Variants in RIPK1 observed in about 807,000 individuals in gnomAD.
RIPK1 encodes the protein receptor interacting serine/threonine kinase 1, also known as receptor-interacting serine/threonine-protein kinase 1.
Under a neutral mutation model 62.4 loss-of-function variants are expected in RIPK1, and 27 were observed. The observed-to-expected ratio is 0.43, with a 90% CI of 0.32 to 0.60. The LOEUF (loss-of-function observed/expected upper bound fraction) is 0.60, where lower values mean the gene tolerates loss of function less well. Ranked by LOEUF, RIPK1 falls within the 20% of genes least tolerant of loss-of-function variation. The pLI, the probability that RIPK1 is intolerant of heterozygous loss-of-function variation, is 0.07. For missense variants in RIPK1, 735 were observed against 831.0 expected, an observed-to-expected ratio of 0.88 and a Z score of 1.42; for synonymous variants, 287 against 303.2, an observed-to-expected ratio of 0.95 and a Z score of 0.55.
intron 2 of RIPK1, 58 bp downstream of exon 2, chr6:3,077,045 G>A: frequency 1.3e-6 from 2 of 1,494,608 alleles, no homozygotes; most frequent in South Asian, 2.7e-5. Context: ...GACGTTGGCT[G>A]TTGTGGAGCC....
At chr6:3,083,548 C>T (rs1302588799) in intron 5 of RIPK1, among the ~76,000 whole-genome samples, 1 of 152,094 alleles carries the variant, frequency 6.6e-6, no homozygotes, top group South Asian at 2.1e-4. Flanking sequence ...GAGGACTTAG[C>T]CTTTCACACT....
At position 3,113,215 on chromosome 6, in the gene RIPK1, T is replaced by C; in HGVS notation, c.1892T>C (p.Met631Thr). 1.2e-6 allele frequency: 2 copies of C among 1,614,100 alleles called. No homozygotes were observed. Among genetic ancestry groups the C allele is most frequent in the Non-Finnish European group, 1.7e-6 (2 of 1,180,002 alleles). The change falls in exon 11 of 11, where the codon ATG becomes ACG. Residue 631 changes from methionine to threonine, a missense_variant. By Grantham distance (81) the Met-to-Thr change is moderately conservative (BLOSUM62 -1). Transcript: ENST00000259808. The surrounding 1 kb of genome is among the most constrained non-coding windows in gnomAD (Gnocchi z 5.0). ...RDGLKEKVYQMLQKWVMREGI... is the reference protein window; with the variant it reads ...RDGLKEKVYQTLQKWVMREGI... Reference sequence around the variant, plus strand: ...GGACTGAAAGAAAAGGTTTACCAGATGCTCCAAAAGTGGGTGATGAGGGAA... The same window carrying C: ...GGACTGAAAGAAAAGGTTTACCAGACGCTCCAAAAGTGGGTGATGAGGGAA...
chr6:3,066,530 T>C (rs916167803), upstream of RIPK1, among the ~76,000 whole-genome samples: 4 of 152,198 alleles, frequency 2.6e-5, no homozygotes, highest in African/African-American at 9.7e-5. Flanking sequence ...TTTTTTGATA[T>C]GTGTACATCT....
At position 3,105,196 on chromosome 6, in the gene RIPK1, C is replaced by T. The variant is rs59652592; in HGVS notation, c.1007-286C>T. Among the ~76,000 whole-genome samples, 10,381 of 152,194 alleles carry T rather than the reference C, an allele frequency of 0.068. 1,198 individuals carry two copies. Among genetic ancestry groups the T allele is most frequent in the African/African-American group, 0.24 (9,813 of 41,476 alleles). On this transcript the variant is annotated intron_variant, in intron 8 of 10. Transcript: ENST00000259808. The surrounding 1 kb of genome is among the most constrained non-coding windows in gnomAD (Gnocchi z 4.5). ...TGAATTGCTCCAAGGAGACAACCACCTTCTCTGCTCCAAACCAAGTCCCTT... is the reference window on the plus strand; with the variant it reads ...TGAATTGCTCCAAGGAGACAACCACTTTCTCTGCTCCAAACCAAGTCCCTT...
intron 1 of RIPK1, among the ~76,000 whole-genome samples, chr6:3,070,180 C>T (rs762250458): frequency 6.6e-6 from 1 of 152,140 alleles, no homozygotes; most frequent in Non-Finnish European, 1.5e-5. Context: ...TACTGAGCCT[C>T]AGAGATATGT....
intron 1 of RIPK1, among the ~76,000 whole-genome samples, chr6:3,073,349 T>C (rs1335282583): frequency 6.6e-6 from 1 of 151,970 alleles, no homozygotes; most frequent in Non-Finnish European, 1.5e-5. Flanking sequence ...ACCACTTCTG[T>C]GAGGTGGTCA....
At chr6:3,066,270 C>T (rs1024756383), upstream of RIPK1, among the ~76,000 whole-genome samples, 1 of 152,162 alleles carries the variant, frequency 6.6e-6, no homozygotes, top group African/African-American at 2.4e-5. Context: ...GCAATCCGCC[C>T]GACTTGGCCT....
intron 9 of RIPK1, among the ~76,000 whole-genome samples, chr6:3,107,049 G>A (rs532607278): frequency 3.9e-4 from 60 of 152,118 alleles, no homozygotes; most frequent in African/African-American, 1.2e-3. Flanking sequence ...CCAGGAGTTC[G>A]AGACCAGCCT....
At position 3,107,562 on chromosome 6, in the gene RIPK1, CAAAAAAAAAAAAAA is replaced by C. The variant is rs60843872; in HGVS notation, c.1576+1523_1576+1536del. ...CCTGGGTGACAGAGCGAGACTGTCG[CAAAAAAAAAAAAAA>C]AAAAAAAAAAATTCCAAAACTCTTC... On this transcript the variant is annotated intron_variant, in intron 9 of 10. Coordinates refer to ENST00000259808, the MANE Select transcript of RIPK1 (RefSeq NM_001354930.2). 1.3e-4 allele frequency among the ~76,000 whole-genome samples: 6 copies of C among 46,316 alleles called. No individual in the cohort carries two copies. In the East Asian group the frequency reaches 3.9e-3, roughly 30 times the overall value. The allele number at this position is 46,316 out of a possible 152,430, so 30.4% of individuals were successfully genotyped here.
intron 7 of RIPK1, among the ~76,000 whole-genome samples, chr6:3,094,110 GTACCTACCTGC>G (rs1760148196): frequency 7.3e-6 from 1 of 137,492 alleles, no homozygotes; most frequent in Non-Finnish European, 1.5e-5. Context: ...TAACTGCAGA[GTACCTACCTGC>G]CGCACCTAGT....
At chr6:3,081,163 T>C (rs1247894961) in intron 4 of RIPK1, 47 bp downstream of exon 4, 1 of 1,598,646 alleles carries the variant, frequency 6.3e-7, no homozygotes, top group Non-Finnish European at 8.5e-7. Context: ...GATTTTAGTT[T>C]TAATTCTCCA....
chr6:3,105,547 T>G lies in RIPK1; in HGVS notation c.1072T>G (p.Trp358Gly). Residue 358 changes from tryptophan (W) to glycine (G), a missense_variant, in exon 9 of 11, where the codon TGG becomes GGG. Physicochemically the swap from Trp to Gly is radical, Grantham distance 184. This residue lies in a region of RIPK1 where 671 missense variants were observed against 726.2 expected (regional missense o/e 0.92). Coordinates refer to ENST00000259808, the MANE Select transcript of RIPK1 (RefSeq NM_001354930.2). This position sits in a 1 kb window ranked among gnomAD's most constrained non-coding sequence, Gnocchi z 4.5. Reference sequence around the variant, plus strand: ...TGGGATGGGTCCTGTGGAGGAGTCCTGGTTTGCTCCTTCCCTGGAGCACCC... The same window carrying G: ...TGGGATGGGTCCTGTGGAGGAGTCCGGGTTTGCTCCTTCCCTGGAGCACCC... The part of the protein sequence containing the change: ...GLGMGPVEES[W>G]FAPSLEHPQE... 6.2e-7 allele frequency: 1 copy of G among 1,609,246 alleles called. No homozygotes were observed. Among genetic ancestry groups the G allele is most frequent in the Non-Finnish European group, 8.5e-7 (1 of 1,177,390 alleles).
At chr6:3,110,643 A>G (rs746614233) in intron 9 of RIPK1, among the ~76,000 whole-genome samples, 160 bp from the exon 10 acceptor site, 2 of 150,986 alleles carry the variant, frequency 1.3e-5, no homozygotes, top group Non-Finnish European at 2.9e-5. Flanking sequence ...CCTAATGGGT[A>G]TGAGGTGGTT....
upstream of RIPK1, among the ~76,000 whole-genome samples, chr6:3,065,514 G>A (rs1211818393): frequency 1.3e-5 from 2 of 151,944 alleles, no homozygotes; most frequent in East Asian, 1.9e-4. Context: ...TGGGCGTAGA[G>A]GGCAGGCCTT....
At chr6:3,070,163 T>C (rs1371403381) in intron 1 of RIPK1, among the ~76,000 whole-genome samples, 1 of 152,220 alleles carries the variant, frequency 6.6e-6, no homozygotes, top group Non-Finnish European at 1.5e-5. Flanking sequence ...TTCCTCTGTC[T>C]GAACTATACT....
At chr6:3,067,686 C>T (rs569722176), upstream of RIPK1, among the ~76,000 whole-genome samples, 7 of 151,088 alleles carry the variant, frequency 4.6e-5, no homozygotes, top group Admixed American at 2.0e-4. Context: ...GTGTTGTGAA[C>T]GTGGCTAGTT....
In RIPK1 at chr6:3,072,407, AAC is replaced by A. The variant is rs1281718065; in HGVS notation, c.-61+3754_-61+3755del. Reference sequence around the variant, plus strand: ...TCTATTTACATATATATATATATAAAACACACACAAATGTGAATATAATTTTT... The same window carrying A: ...TCTATTTACATATATATATATATAAAACACACAAATGTGAATATAATTTTT... On this transcript the variant is annotated intron_variant, in intron 1 of 10. Transcript: ENST00000259808. The surrounding 1 kb of genome is among the most constrained non-coding windows in gnomAD (Gnocchi z 5.6). Among the ~76,000 whole-genome samples the A allele has an allele frequency of 3.3e-5, 5 of 150,776 alleles. No individual in the cohort carries two copies. In the South Asian group the frequency reaches 6.3e-4, roughly 19 times the overall value.
chr6:3,073,065 CAT>C lies in RIPK1; in HGVS notation c.-60-3697_-60-3696del, dbSNP rs1758823439. Among the ~76,000 whole-genome samples, 12 of 152,146 alleles carry C rather than the reference CAT, an allele frequency of 7.9e-5. No individual in the cohort carries two copies. In the South Asian group the frequency reaches 2.3e-3, roughly 29 times the overall value. ...CGGCTGGGCCAACCATAGCTAGAGA[CAT>C]AAAGCAGGCAACAAACGTGTTTTCA... On this transcript the variant is annotated intron_variant, in intron 1 of 10. Transcript: ENST00000259808.
chr6:3,075,603 A>T (rs1389958588), intron 1 of RIPK1, among the ~76,000 whole-genome samples: 1 of 152,168 alleles, frequency 6.6e-6, no homozygotes, highest in Non-Finnish European at 1.5e-5. Flanking sequence ...GGTCTGTCTC[A>T]CAGTGAATTT....
Sources: allele counts gnomAD v4.1 joint callset (sites outside exome capture counted in the v4.1 genomes callset), GRCh38; gene constraint gnomAD v4.1.1; regional missense constraint gnomAD v4.1.1; non-coding constraint Gnocchi (gnomAD v3.1); transcripts MANE v1.5; gene names NCBI Gene and HGNC (gene_info 2026-07-23, HGNC 2026-07-21).